The following EFR3A variants were observed in gnomAD, a reference collection of about 807,000 sequenced individuals.
EFR3A encodes EFR3 homolog A, also known as protein EFR3 homolog A.
In EFR3A, 76 loss-of-function variants were observed where a neutral mutation model predicts 104.4. That is an observed-to-expected ratio of 0.73 (90% CI 0.60 to 0.88). EFR3A has a LOEUF of 0.88. EFR3A is among the 40% of genes least tolerant of loss of function. The pLI, the probability that EFR3A is intolerant of heterozygous loss-of-function variation, is 0.00. For missense variants in EFR3A, 985 were observed against 1,012.5 expected (o/e 0.97, Z 0.37); for synonymous variants, 330 against 330.0 (o/e 1.00, Z 0.00).
chr8:131,915,724 T>G (rs1255733475), intron 1 of EFR3A, among the ~76,000 whole-genome samples: 1 of 152,102 alleles, frequency 6.6e-6, no homozygotes, highest in Non-Finnish European at 1.5e-5. Context: ...AAAGGAGAAA[T>G]GCTGGATTGG....
intron 22 of EFR3A, among the ~76,000 whole-genome samples, chr8:132,007,272 A>G (rs1822101623): frequency 6.6e-6 from 1 of 152,008 alleles, no homozygotes; most frequent in African/African-American, 2.4e-5. Flanking sequence ...GAGTTAATAC[A>G]TGAATTAAAT....
chr8:131,962,319 C>T (rs6991651), intron 8 of EFR3A, among the ~76,000 whole-genome samples: 74,220 of 151,916 alleles, frequency 0.49, 18,283 homozygotes, highest in Middle Eastern at 0.57. Flanking sequence ...AAACCCATCT[C>T]ACGTGCAGAG....
intron 4 of EFR3A, among the ~76,000 whole-genome samples, chr8:131,947,647 TC>T (rs1356008010): frequency 2.6e-5 from 4 of 152,074 alleles, no homozygotes; most frequent in African/African-American, 9.6e-5. Flanking sequence ...AAAGGTTTAC[TC>T]CTATAGTTTC....
chr8:131,959,716 A>G lies in EFR3A; in HGVS notation c.855+53A>G, dbSNP rs887254556. The G allele has an allele frequency of 3.0e-5, 39 of 1,298,936 alleles. No homozygotes were observed. The Admixed American group carries it at 3.3e-4, about 11-fold the overall frequency. The allele number at this position is 1,298,936 out of a possible 1,614,324, so 80.5% of individuals were successfully genotyped here. A position where few individuals can be genotyped will look rare whatever the true frequency, so the allele number is the denominator to read the frequency against. Reference sequence around the variant, plus strand: ...TTTATATAAGTAATTTTGGTTCTCTATGGATAAGCACATTATCAAACAGAT... The same window carrying G: ...TTTATATAAGTAATTTTGGTTCTCTGTGGATAAGCACATTATCAAACAGAT... On this transcript the variant is annotated intron_variant, in intron 8 of 22. Transcript: ENST00000254624.
intron 7 of EFR3A, among the ~76,000 whole-genome samples, chr8:131,957,109 AAATT>A (rs1483393911): frequency 6.6e-6 from 1 of 152,178 alleles, no homozygotes; most frequent in Non-Finnish European, 1.5e-5. Flanking sequence ...TTAATTAATT[AAATT>A]AATCTTAAGT....
chr8:131,987,912 C>T (rs1233123681), intron 18 of EFR3A, among the ~76,000 whole-genome samples: 1 of 152,014 alleles, frequency 6.6e-6, no homozygotes, highest in Non-Finnish European at 1.5e-5. Context: ...TATGATTTTA[C>T]CAGGAGCAAA....
chr8:131,957,792 T>C (rs1344740966), intron 7 of EFR3A, among the ~76,000 whole-genome samples: 1 of 152,208 alleles, frequency 6.6e-6, no homozygotes, highest in African/African-American at 2.4e-5. Flanking sequence ...AAGAAAATAA[T>C]AGATGATTTA....
intron 18 of EFR3A, among the ~76,000 whole-genome samples, chr8:131,990,833 CAAG>C (rs978059589): frequency 1.3e-5 from 2 of 152,084 alleles, no homozygotes; most frequent in African/African-American, 4.8e-5. Context: ...TATGGAGAGA[CAAG>C]AAGAAAGCCA....
intron 19 of EFR3A, among the ~76,000 whole-genome samples, chr8:132,001,182 G>A (rs560070096): frequency 6.6e-6 from 1 of 152,202 alleles, no homozygotes; most frequent in African/African-American, 2.4e-5. Context: ...TAAGTTAAAA[G>A]GATAGTTTCA....
chr8:131,971,716 T>C (rs1820064745), intron 10 of EFR3A, among the ~76,000 whole-genome samples: 1 of 152,098 alleles, frequency 6.6e-6, no homozygotes, highest in Non-Finnish European at 1.5e-5. Flanking sequence ...AAGTTAGATA[T>C]TCCTGACTGG....
intron 6 of EFR3A, 71 bp downstream of exon 6, chr8:131,954,038 G>C: frequency 7.4e-7 from 1 of 1,359,002 alleles, no homozygotes; most frequent in Non-Finnish European, 9.7e-7. Flanking sequence ...CCTAGGATAA[G>C]AATGTTTTGT....
chr8:131,914,614 C>G (rs1816663689), intron 1 of EFR3A, among the ~76,000 whole-genome samples: 1 of 152,066 alleles, frequency 6.6e-6, no homozygotes, highest in Non-Finnish European at 1.5e-5. Flanking sequence ...CTCTATCTGA[C>G]CAGCTTCAGC....
chr8:131,927,702 A>G (rs1185200701), intron 1 of EFR3A, among the ~76,000 whole-genome samples: 1 of 152,138 alleles, frequency 6.6e-6, no homozygotes, highest in African/African-American at 2.4e-5. Flanking sequence ...GTTACCAGCT[A>G]TCTGTTAATT....
intron 17 of EFR3A, among the ~76,000 whole-genome samples, chr8:131,987,020 C>A (rs1820921803): frequency 6.6e-6 from 1 of 151,926 alleles, no homozygotes; most frequent in Admixed American, 6.6e-5. Context: ...ATTTCTTGTT[C>A]TCTAAAGAAA....
rs555816666 is a variant in EFR3A at position 131,909,501 on chromosome 8, T to G, written c.10+5179T>G. Among the ~76,000 whole-genome samples, 103 of 152,282 alleles carry G rather than the reference T, an allele frequency of 6.8e-4. 1 individual carries two copies. The highest frequency in any genetic ancestry group is 1.3e-3 in the Non-Finnish European group (90 of 68,014). ...GCTGAGGCTGCAGTGAGCTATGGTC[T>G]CACTACTATACTCCAGCCTGGGCAA... On this transcript the variant is annotated intron_variant, in intron 1 of 22. Transcript: ENST00000254624.
intron 1 of EFR3A, chr8:131,924,043 G>T: frequency 2.8e-6 from 1 of 354,228 alleles, no homozygotes; most frequent in African/African-American, 2.2e-5. Context: ...GATACTTACT[G>T]TAATTGCTGT....
Position 132,010,996 on chromosome 8 carries a change from A to C in EFR3A, c.*101A>C, listed in dbSNP as rs1822318473. On this transcript the variant is annotated 3_prime_UTR_variant, in exon 23 of 23. Coordinates refer to ENST00000254624, the MANE Select transcript of EFR3A (RefSeq NM_015137.6). Reference sequence around the variant, plus strand: ...TAATGTGTATTAACATACTTCTTGAAAATAATGATGGAACATATCTTTAAC... The same window carrying C: ...TAATGTGTATTAACATACTTCTTGACAATAATGATGGAACATATCTTTAAC... 2 of 1,342,692 alleles carry C rather than the reference A, an allele frequency of 1.5e-6. No homozygotes were observed. Among genetic ancestry groups the C allele is most frequent in the Non-Finnish European group, 1.9e-6 (2 of 1,030,940 alleles). The allele number at this position is 1,342,692 out of a possible 1,614,324, so 83.2% of individuals were successfully genotyped here.
At chr8:131,968,520 A>G (rs1210847290) in intron 9 of EFR3A, 90 bp downstream of exon 9, 1 of 1,268,912 alleles carries the variant, frequency 7.9e-7, no homozygotes, top group Non-Finnish European at 1.1e-6. Flanking sequence ...GAACTCTTTA[A>G]GAATATTTCT....
At chr8:131,932,768 A>C (rs1364765211) in intron 1 of EFR3A, among the ~76,000 whole-genome samples, 3 of 152,060 alleles carry the variant, frequency 2.0e-5, no homozygotes, top group Non-Finnish European at 4.4e-5. Flanking sequence ...GAAACACTTT[A>C]TTTTTGCCAA....
Sources: gnomAD v4.1 joint callset for allele counts (sites outside exome capture counted in the v4.1 genomes callset) on GRCh38, gnomAD v4.1.1 for gene constraint, MANE v1.5 for transcripts, NCBI Gene and HGNC (gene_info 2026-07-23, HGNC 2026-07-21) for gene names.